Variants in WASF3 observed in about 807,000 individuals in gnomAD.
WASF3 encodes actin-binding protein WASF3.
Under a neutral mutation model 46.6 loss-of-function variants are expected in WASF3, and 11 were observed. That is an observed-to-expected ratio of 0.24 (90% CI 0.15 to 0.39). The LOEUF (loss-of-function observed/expected upper bound fraction) is 0.39, where lower values mean the gene tolerates loss of function less well. Among genes scored for constraint, WASF3 ranks in the 10% least tolerant of loss-of-function variants. The probability of loss-of-function intolerance (pLI) is 1.00; values close to 1 mark genes in which losing one functional copy is unlikely to be tolerated. For synonymous variants in WASF3, 242 were observed against 259.7 expected, an observed-to-expected ratio of 0.93 and a Z score of 0.65; for missense variants, 576 against 669.8, an observed-to-expected ratio of 0.86 and a Z score of 1.55.
At chr13:26,611,141 A>G (rs1880966429) in intron 1 of WASF3, among the ~76,000 whole-genome samples, 1 of 148,636 alleles carries the variant, frequency 6.7e-6, no homozygotes, top group Admixed American at 6.9e-5. Flanking sequence ...GAGTGCTGAG[A>G]TTACAGGTGT....
intron 1 of WASF3, among the ~76,000 whole-genome samples, chr13:26,584,719 A>ATT (rs1880080395): frequency 1.3e-5 from 2 of 152,208 alleles, no homozygotes; most frequent in Non-Finnish European, 2.9e-5. Flanking sequence ...ACATGCAGCA[A>ATT]AGAAAGGATG....
chr13:26,631,736 G>A (rs1242550525), intron 2 of WASF3, among the ~76,000 whole-genome samples: 1 of 152,126 alleles, frequency 6.6e-6, no homozygotes, highest in Non-Finnish European at 1.5e-5. Flanking sequence ...GATGGGGATG[G>A]CATTGAATCT....
upstream of WASF3, among the ~76,000 whole-genome samples, chr13:26,556,905 T>C (rs139875568): frequency 2.0e-4 from 31 of 152,356 alleles, no homozygotes; most frequent in East Asian, 5.6e-3. Flanking sequence ...TAGATGTTTT[T>C]AAACCCCTTT....
At chr13:26,631,879 G>A (rs1262662944) in intron 2 of WASF3, among the ~76,000 whole-genome samples, 1 of 152,118 alleles carries the variant, frequency 6.6e-6, no homozygotes, top group Non-Finnish European at 1.5e-5. Context: ...CCTTGAAGAC[G>A]TCCTTCACGT....
intron 1 of WASF3, chr13:26,577,396 C>G: frequency 1.3e-6 from 1 of 773,914 alleles, no homozygotes; most frequent in South Asian, 1.3e-5. Flanking sequence ...TGATGGAAAT[C>G]AAGACCCGGG....
chr13:26,654,678 T>C (rs1446383336), intron 3 of WASF3, among the ~76,000 whole-genome samples: 1 of 152,236 alleles, frequency 6.6e-6, no homozygotes, highest in Admixed American at 6.5e-5. Context: ...AAGTTCATTA[T>C]AGTTAATTAT....
chr13:26,551,724 A>G, the WASF3 span, among the ~76,000 whole-genome samples: 7 of 152,160 alleles, frequency 4.6e-5, no homozygotes, highest in South Asian at 2.1e-4. Context: ...GGGTATTCAG[A>G]CAGAAAGCCC....
intron 2 of WASF3, among the ~76,000 whole-genome samples, chr13:26,624,767 A>C (rs1324714093): frequency 6.6e-6 from 1 of 152,216 alleles, no homozygotes; most frequent in Non-Finnish European, 1.5e-5. Context: ...AAACAGAGGA[A>C]CAAGGGTAAG....
chr13:26,675,140 A>G (rs925457618), intron 6 of WASF3, among the ~76,000 whole-genome samples: 4 of 151,500 alleles, frequency 2.6e-5, no homozygotes, highest in African/African-American at 9.8e-5. Context: ...CCCTCTTTTA[A>G]TTTGTTTTCT....
At chr13:26,675,834 C>T (rs1362035295) in intron 6 of WASF3, among the ~76,000 whole-genome samples, 1 of 151,890 alleles carries the variant, frequency 6.6e-6, no homozygotes, top group Admixed American at 6.6e-5. Context: ...AAGAGGGAAA[C>T]GTAGGAAATA....
Position 26,599,184 on chromosome 13 carries a change from C to CTTTTTTTTT in WASF3, c.-108-13768_-108-13760dup, listed in dbSNP as rs57148941. 1.3e-3 allele frequency among the ~76,000 whole-genome samples: 156 copies of CTTTTTTTTT among 118,218 alleles called. 1 individual carries two copies. Among genetic ancestry groups the CTTTTTTTTT allele is most frequent in the East Asian group, 2.8e-3 (11 of 3,946 alleles). 77.6% of individuals were successfully genotyped at this position (118,218 alleles called of 152,430 possible). On this transcript the variant is annotated intron_variant, in intron 1 of 9. Coordinates refer to ENST00000335327, the MANE Select transcript of WASF3 (RefSeq NM_006646.6). ...GCCTGCCCTGCTCTTCTTTTCATTT[C>CTTTTTTTTT]TTTTTTTTTTTTTTTTTGAGACGGA...
intron 4 of WASF3, among the ~76,000 whole-genome samples, chr13:26,666,126 A>G (rs1009938762): frequency 2.0e-5 from 3 of 152,214 alleles, no homozygotes; most frequent in Admixed American, 6.5e-5. Flanking sequence ...GTGAATTACA[A>G]ATATAACAAA....
rs569378694 is a variant in WASF3 at position 26,625,451 on chromosome 13, G to A, written c.-11+12393G>A. On this transcript the variant is annotated intron_variant, in intron 2 of 9. Coordinates refer to ENST00000335327, the MANE Select transcript of WASF3 (RefSeq NM_006646.6). ...GAGGACCTGGGATTGGGAAGGTGGTGCAGGTGTAAGCTTTGGAGTCTGAAA... is the reference window on the plus strand; with the variant it reads ...GAGGACCTGGGATTGGGAAGGTGGTACAGGTGTAAGCTTTGGAGTCTGAAA... Among the ~76,000 whole-genome samples, 130 of 152,308 alleles carry A rather than the reference G, an allele frequency of 8.5e-4. 1 individual carries two copies. The highest frequency in any genetic ancestry group is 3.0e-3 in the African/African-American group (126 of 41,560).
intron 1 of WASF3, among the ~76,000 whole-genome samples, chr13:26,601,269 G>C (rs1215227362): frequency 6.6e-6 from 1 of 152,194 alleles, no homozygotes; most frequent in Non-Finnish European, 1.5e-5. Context: ...AGATAATACT[G>C]TAGATGTAAC....
chr13:26,545,054 C>T, the WASF3 span, among the ~76,000 whole-genome samples: 1 of 152,354 alleles, frequency 6.6e-6, no homozygotes, highest in African/African-American at 2.4e-5. Flanking sequence ...GCTGAAGGCA[C>T]TGGGCATGGC....
upstream of WASF3, among the ~76,000 whole-genome samples, chr13:26,553,642 G>A (rs1425002758): frequency 2.6e-5 from 4 of 151,760 alleles, no homozygotes; most frequent in African/African-American, 2.4e-5. Flanking sequence ...ACAGTGAAAC[G>A]CCGTCTCTAA....
rs201409351 is a variant in WASF3 at position 26,667,645 on chromosome 13, C to A, written c.397C>A (p.Pro133Thr). 1.1e-4 allele frequency: 178 copies of A among 1,614,084 alleles called. No individual in the cohort carries two copies. In the Admixed American group the frequency reaches 1.5e-3, roughly 14 times the overall value. ...TTACAACCAGAGTGATAAGCCACCG[C>A]CTCTGAACATCCTGACACCATACAG... ...DIYNQSDKPPPLNILTPYRDD... is the reference protein window; with the variant it reads ...DIYNQSDKPPTLNILTPYRDD... Residue 133 changes from proline (P) to threonine (T), a missense_variant, in exon 5 of 10, where the codon CCT (proline) becomes ACT (threonine). This residue lies in a region of WASF3 where 213 missense variants were observed against 278.0 expected (regional missense o/e 0.77). Coordinates refer to ENST00000335327, the MANE Select transcript of WASF3 (RefSeq NM_006646.6).
chr13:26,661,321 C>CT (rs1459745718), intron 3 of WASF3, among the ~76,000 whole-genome samples: 5 of 152,218 alleles, frequency 3.3e-5, no homozygotes, highest in Non-Finnish European at 7.3e-5. Context: ...TCTCCTGTCT[C>CT]TATGAAATGG....
chr13:26,645,067 C>T (rs995446327), intron 3 of WASF3, among the ~76,000 whole-genome samples: 1 of 152,132 alleles, frequency 6.6e-6, no homozygotes, highest in Admixed American at 6.5e-5. Flanking sequence ...TTTTGGAAAA[C>T]GAAGATAACT....
Sources: gnomAD v4.1 joint callset for allele counts (sites outside exome capture counted in the v4.1 genomes callset) on GRCh38, gnomAD v4.1.1 for gene constraint, gnomAD v4.1.1 regional missense constraint, MANE v1.5 for transcripts, NCBI Gene and HGNC (gene_info 2026-07-23, HGNC 2026-07-21) for gene names.